Variants in KCTD1 observed in about 807,000 individuals in gnomAD.
KCTD1 encodes BTB/POZ domain-containing protein KCTD1.
A neutral mutation model predicts 66.0 loss-of-function variants in KCTD1; 24 were observed. The ratio of observed to expected loss-of-function variants is 0.36; its 90% CI spans 0.26 to 0.51. The LOEUF is 0.51. KCTD1 is among the 20% of genes least tolerant of loss of function. KCTD1 has a pLI of 0.95. For synonymous variants in KCTD1, 511 were observed against 517.2 expected (o/e 0.99, Z 0.16); for missense variants, 943 against 1,205.2 (o/e 0.78, Z 3.22).
At chr18:26,541,850 T>C (rs7238458) in intron 1 of KCTD1, among the ~76,000 whole-genome samples, 9,126 of 152,214 alleles carry the variant, frequency 0.06, 352 homozygotes, top group East Asian at 0.21. Flanking sequence ...GCTCATGCTG[T>C]CATAAAGACT....
At chr18:26,616,360 A>G (rs912518188) in intron 1 of KCTD1, among the ~76,000 whole-genome samples, 12 of 151,290 alleles carry the variant, frequency 7.9e-5, no homozygotes, top group African/African-American at 2.9e-4. Context: ...ATATGTTCCT[A>G]CCAGATGTGG....
intron 1 of KCTD1, among the ~76,000 whole-genome samples, chr18:26,651,584 G>A (rs1988034510): frequency 1.3e-5 from 2 of 151,958 alleles, no homozygotes; most frequent in Admixed American, 1.3e-4. Context: ...AGGAGTTCGA[G>A]ACCAGCTTGG....
chr18:26,466,028 CTA>C, intron 3 of KCTD1, among the ~76,000 whole-genome samples: 1 of 145,094 alleles, frequency 6.9e-6, no homozygotes, highest in Non-Finnish European at 1.5e-5. Flanking sequence ...GAGTGGGGGC[CTA>C]TCCAGGTCGC....
chr18:26,570,191 A>AATAT (rs1555643817), intron 1 of KCTD1, among the ~76,000 whole-genome samples: 25 of 132,550 alleles, frequency 1.9e-4, no homozygotes, highest in Non-Finnish European at 2.2e-4. Context: ...ATCTAAAAAA[A>AATAT]ATATATATAT....
Position 26,599,153 on chromosome 18 carries a change from T to C in KCTD1, c.-16+29994A>G, listed in dbSNP as rs1986834000. Reference sequence around the variant, plus strand: ...CTCTTAGAATTAGTTATGATCTTTTTTTGTATGTGATAATTTTATAAATGG... The same window carrying C: ...CTCTTAGAATTAGTTATGATCTTTTCTTGTATGTGATAATTTTATAAATGG... On this transcript the variant is annotated intron_variant, in intron 1 of 4. Transcript: ENST00000317932. Among the ~76,000 whole-genome samples, 5 of 152,254 alleles carry C rather than the reference T, an allele frequency of 3.3e-5. No homozygotes were observed. In the South Asian group the frequency reaches 1.0e-3, roughly 32 times the overall value.
rs774136300 is a variant in KCTD1 at position 26,548,264 on chromosome 18, CTCCTCCTCG to C, written c.264_272del (p.Asp88_Glu90del). The C allele has an allele frequency of 3.3e-6, 5 of 1,514,888 alleles. No individual in the cohort carries two copies. The highest frequency in any genetic ancestry group is 2.5e-5 in the East Asian group (1 of 39,620). The allele number at this position is 1,514,888 out of a possible 1,614,324, so 93.8% of individuals were successfully genotyped here. ...CCAGCCCCATCTCCTCCTCTTCCTC[CTCCTCCTCG>C]TCCTCCTCCAGCCCCCCACCTCCGT... is the stretch of plus-strand genomic sequence containing the variant. On this transcript the variant is annotated inframe_deletion, in exon 1 of 5. Coordinates refer to ENST00000580059, the MANE Select transcript of KCTD1 (RefSeq NM_001142730.3).
At chr18:26,505,321 C>G (rs541208322) in intron 1 of KCTD1, among the ~76,000 whole-genome samples, 1 of 152,348 alleles carries the variant, frequency 6.6e-6, no homozygotes, top group South Asian at 2.1e-4. Flanking sequence ...AAACCATAAC[C>G]TTTAACCAGA....
At chr18:26,642,485 G>T (rs923308650), upstream of KCTD1, among the ~76,000 whole-genome samples, 1 of 152,194 alleles carries the variant, frequency 6.6e-6, no homozygotes, top group African/African-American at 2.4e-5. Flanking sequence ...TCCCAATTTT[G>T]ATTTTTAGTT....
intron 1 of KCTD1, among the ~76,000 whole-genome samples, chr18:26,647,898 G>A (rs559395526): frequency 5.2e-4 from 79 of 152,124 alleles, no homozygotes; most frequent in African/African-American, 1.8e-3. Context: ...GGAGTGCAGT[G>A]GCATAATCTC....
chr18:26,643,693 T>A (rs1185431672), upstream of KCTD1, among the ~76,000 whole-genome samples: 1 of 152,120 alleles, frequency 6.6e-6, no homozygotes, highest in Admixed American at 6.5e-5. Context: ...CCGGGTGCGG[T>A]GGCTCACGCC....
At chr18:26,571,660 AT>A (rs1363035758) in intron 1 of KCTD1, among the ~76,000 whole-genome samples, 4 of 152,082 alleles carry the variant, frequency 2.6e-5, no homozygotes, top group Non-Finnish European at 4.4e-5. Context: ...AATATTTTCA[AT>A]GTGAGGTTGG....
chr18:26,535,522 C>T (rs1044847147), intron 1 of KCTD1, among the ~76,000 whole-genome samples: 8 of 151,734 alleles, frequency 5.3e-5, no homozygotes, highest in Non-Finnish European at 8.8e-5. Context: ...ACTGATGTCT[C>T]GGGTGTACAC....
chr18:26,514,832 C>G (rs906651213), intron 1 of KCTD1, among the ~76,000 whole-genome samples: 4 of 152,192 alleles, frequency 2.6e-5, no homozygotes, highest in Non-Finnish European at 5.9e-5. Flanking sequence ...AACTGCCAGA[C>G]CTGGTATTAG....
chr18:26,596,692 G>A (rs991418355), intron 1 of KCTD1, among the ~76,000 whole-genome samples: 1 of 152,192 alleles, frequency 6.6e-6, no homozygotes, highest in Non-Finnish European at 1.5e-5. Context: ...AAAAATGGAG[G>A]TAATATTCAA....
At chr18:26,616,701 A>C (rs1987263064) in intron 1 of KCTD1, among the ~76,000 whole-genome samples, 1 of 2,718 alleles carries the variant, frequency 3.7e-4, no homozygotes, top group African/African-American at 9.7e-4. Flanking sequence ...AAAAAAAAAA[A>C]TTTGTAGAGA....
intron 1 of KCTD1, chr18:26,599,670 C>T: frequency 1.4e-6 from 2 of 1,480,252 alleles, no homozygotes; most frequent in Non-Finnish European, 9.4e-7. Flanking sequence ...ATCCTTCGGC[C>T]TGGTGGATGT....
In KCTD1 at chr18:26,463,960, C is replaced by G. The variant is rs74666553; in HGVS notation, c.2134-4035G>C. The stretch of plus-strand genomic sequence containing the variant: ...AGGACAGGTACAGGGGACAAGAAAA[C>G]AGACATGGGTGGTGGACTCCAAAAT... On this transcript the variant is annotated intron_variant, in intron 3 of 4. Coordinates refer to ENST00000580059, the MANE Select transcript of KCTD1 (RefSeq NM_001142730.3). Among the ~76,000 whole-genome samples the G allele has an allele frequency of 3.6e-3, 554 of 152,270 alleles. 5 individuals carry two copies. The highest frequency in any genetic ancestry group is 2.8e-3 in the Non-Finnish European group (191 of 68,018).
intron 1 of KCTD1, among the ~76,000 whole-genome samples, chr18:26,653,289 C>A (rs1189972287): frequency 6.6e-6 from 1 of 152,230 alleles, no homozygotes; most frequent in Middle Eastern, 3.2e-3. Context: ...AGTTCCTCCC[C>A]CTTTGCTAAG....
At chr18:26,601,279 G>A (rs36157841) in intron 1 of KCTD1, among the ~76,000 whole-genome samples, 1 of 124,378 alleles carries the variant, frequency 8.0e-6, no homozygotes, top group South Asian at 2.8e-4. Flanking sequence ...GTGGATTTAA[G>A]AGACCTGGAT....
Sources: allele counts gnomAD v4.1 joint callset (sites outside exome capture counted in the v4.1 genomes callset), GRCh38; gene constraint gnomAD v4.1.1; transcripts MANE v1.5; gene names NCBI Gene and HGNC (gene_info 2026-07-23, HGNC 2026-07-21).